The following SPOCK3 variants were observed in gnomAD, a reference collection of about 807,000 sequenced individuals.
SPOCK3 encodes SPARC (osteonectin), cwcv and kazal like domains proteoglycan 3, also known as testican-3.
In SPOCK3, 30 loss-of-function variants were observed where a neutral mutation model predicts 56.6. The ratio of observed to expected loss-of-function variants is 0.53; its 90% CI spans 0.40 to 0.72. The LOEUF (loss-of-function observed/expected upper bound fraction) is 0.72, where lower values mean the gene tolerates loss of function less well. Among genes scored for constraint, SPOCK3 ranks in the 30% least tolerant of loss-of-function variants. SPOCK3 has a pLI of 0.00. For missense variants in SPOCK3, 527 were observed against 530.0 expected, an observed-to-expected ratio of 0.99 and a Z score of 0.06; for synonymous variants, 196 against 183.3, an observed-to-expected ratio of 1.07 and a Z score of -0.56.
intron 6 of SPOCK3, among the ~76,000 whole-genome samples, chr4:166,803,189 C>T (rs2126696241): frequency 6.6e-6 from 1 of 152,222 alleles, no homozygotes; most frequent in East Asian, 1.9e-4. Context: ...AGCATGAGTC[C>T]TCAGCATTGC....
chr4:166,817,727 T>C (rs1744515832), intron 6 of SPOCK3, among the ~76,000 whole-genome samples: 1 of 151,732 alleles, frequency 6.6e-6, no homozygotes, highest in Admixed American at 6.6e-5. Context: ...AAAACAAAGG[T>C]AACAACATTT....
intron 4 of SPOCK3, among the ~76,000 whole-genome samples, chr4:166,955,725 A>C (rs1743386340): frequency 6.7e-6 from 1 of 150,274 alleles, no homozygotes; most frequent in African/African-American, 2.4e-5. Context: ...ATTTATAACT[A>C]TATTTATTTC....
intron 8 of SPOCK3, among the ~76,000 whole-genome samples, chr4:166,753,930 C>T (rs1441092675): frequency 6.6e-6 from 1 of 152,006 alleles, no homozygotes; most frequent in Non-Finnish European, 1.5e-5. Flanking sequence ...AGAACTGGTG[C>T]CATTCCAACT....
intron 6 of SPOCK3, among the ~76,000 whole-genome samples, chr4:166,810,542 A>C (rs2126722667): frequency 6.6e-6 from 1 of 152,184 alleles, no homozygotes; most frequent in Admixed American, 6.6e-5. Context: ...TGGGTATTGA[A>C]ATTTATTAAA....
intron 2 of SPOCK3, among the ~76,000 whole-genome samples, chr4:167,188,112 T>C (rs1313122502): frequency 1.6e-5 from 2 of 124,418 alleles, no homozygotes; most frequent in Non-Finnish European, 3.3e-5. Context: ...TAGTGCAAAG[T>C]AGTGGAGGTT....
intron 3 of SPOCK3, among the ~76,000 whole-genome samples, chr4:167,010,114 G>A (rs1415456688): frequency 1.3e-5 from 2 of 152,050 alleles, no homozygotes; most frequent in Non-Finnish European, 2.9e-5. Context: ...AAAGGAAAAA[G>A]CAGTTTGTTT....
At chr4:166,849,830 T>A (rs1340768707) in intron 6 of SPOCK3, among the ~76,000 whole-genome samples, 1 of 152,202 alleles carries the variant, frequency 6.6e-6, no homozygotes, top group East Asian at 1.9e-4. Context: ...CTCATGTAAG[T>A]GGAATCATAG....
intron 6 of SPOCK3, among the ~76,000 whole-genome samples, chr4:166,829,746 T>C (rs1344205256): frequency 6.6e-6 from 1 of 152,102 alleles, no homozygotes; most frequent in Admixed American, 6.6e-5. Context: ...TCTTAGATAA[T>C]ATTGTGTAGC....
intron 4 of SPOCK3, among the ~76,000 whole-genome samples, chr4:166,945,454 G>A (rs1321092283): frequency 6.6e-6 from 1 of 151,880 alleles, no homozygotes; most frequent in African/African-American, 2.4e-5. Context: ...AACCAGGCTC[G>A]GATTTTCTTT....
At chr4:166,852,516 G>A (rs1055016329) in intron 6 of SPOCK3, among the ~76,000 whole-genome samples, 4 of 152,026 alleles carry the variant, frequency 2.6e-5, no homozygotes, top group South Asian at 2.1e-4. Context: ...TCCTGACACT[G>A]CCCTGCTCTA....
chr4:167,229,720 T>C (rs560873994), intron 2 of SPOCK3, among the ~76,000 whole-genome samples: 1 of 152,278 alleles, frequency 6.6e-6, no homozygotes, highest in African/African-American at 2.4e-5. Flanking sequence ...CTCTGAGACA[T>C]GTCAGCCTGT....
intron 6 of SPOCK3, among the ~76,000 whole-genome samples, chr4:166,842,374 G>T (rs573384642): frequency 6.6e-6 from 1 of 152,280 alleles, no homozygotes; most frequent in East Asian, 1.9e-4. Context: ...TTGACAGGGT[G>T]CTGATTGGTG....
intron 9 of SPOCK3, among the ~76,000 whole-genome samples, chr4:166,740,836 A>T (rs1352056887): frequency 6.6e-6 from 1 of 152,018 alleles, no homozygotes; most frequent in Non-Finnish European, 1.5e-5. Flanking sequence ...AGAATGTATT[A>T]TTTTCATTTG....
chr4:167,177,630 A>G (rs1343627590), intron 2 of SPOCK3, among the ~76,000 whole-genome samples: 1 of 152,156 alleles, frequency 6.6e-6, no homozygotes, highest in Non-Finnish European at 1.5e-5. Context: ...GATTAGGTAT[A>G]TTAATAAATG....
intron 7 of SPOCK3, among the ~76,000 whole-genome samples, chr4:166,764,064 G>A (rs1737612973): frequency 6.6e-6 from 1 of 152,038 alleles, no homozygotes; most frequent in Non-Finnish European, 1.5e-5. Context: ...ATGGCTACCA[G>A]TGGAGGACAA....
At chr4:167,199,666 G>A (rs1013920831) in intron 2 of SPOCK3, among the ~76,000 whole-genome samples, 1 of 149,294 alleles carries the variant, frequency 6.7e-6, no homozygotes, top group Non-Finnish European at 1.5e-5. Context: ...CTGGTTTTCT[G>A]TGAAACCCAA....
intron 2 of SPOCK3, among the ~76,000 whole-genome samples, chr4:167,064,525 CT>C (rs1350461288): frequency 6.6e-6 from 1 of 151,738 alleles, no homozygotes; most frequent in East Asian, 1.9e-4. Flanking sequence ...CATTTAATAT[CT>C]TTTATTTTTA....
intron 4 of SPOCK3, among the ~76,000 whole-genome samples, chr4:166,915,562 T>C (rs968085291): frequency 6.6e-6 from 1 of 152,172 alleles, no homozygotes; most frequent in African/African-American, 2.4e-5. Flanking sequence ...CGGTTTTTAA[T>C]TCTATTTTGA....
intron 6 of SPOCK3, among the ~76,000 whole-genome samples, chr4:166,852,408 A>C (rs547892729): frequency 6.6e-6 from 1 of 152,290 alleles, no homozygotes; most frequent in East Asian, 1.9e-4. Context: ...ATAGGAGGTC[A>C]GACAGGACCC....
Sources: allele counts gnomAD v4.1 joint callset (sites outside exome capture counted in the v4.1 genomes callset), GRCh38; gene constraint gnomAD v4.1.1; transcripts MANE v1.5; gene names NCBI Gene and HGNC (gene_info 2026-07-23, HGNC 2026-07-21).